The following SLC2A4RG variants were observed in gnomAD, a reference collection of about 807,000 sequenced individuals.
SLC2A4RG encodes GLUT4 enhancer factor.
SLC2A4RG carries 23 observed loss-of-function variants against 35.5 expected under a neutral mutation model. The ratio of observed to expected loss-of-function variants is 0.65; its 90% CI spans 0.47 to 0.92. The LOEUF is 0.92. SLC2A4RG is among the 40% of genes least tolerant of loss of function. The pLI is 0.00. For missense variants in SLC2A4RG, 539 were observed against 525.0 expected (o/e 1.03, Z -0.26); for synonymous variants, 306 against 243.7 (o/e 1.26, Z -2.38).
In SLC2A4RG at chr20:63,742,223, C is replaced by T; in HGVS notation, c.673C>T (p.His225Tyr). Residue 225 changes from histidine to tyrosine, a missense_variant, in exon 5 of 8, where the codon CAC (histidine) becomes TAC (tyrosine). Physicochemically the swap from His to Tyr is moderately conservative, Grantham distance 83. Transcript: ENST00000266077. ...GATGCAGAGACACATCCGCCTGGTG[C>T]ACCTGGGGTGCGGCGGGGCCTGGGG... is the stretch of plus-strand genomic sequence containing the variant. The part of the protein sequence containing the change: ...SAMQRHIRLV[H>Y]LGRQAEPEQS... The T allele has an allele frequency of 6.3e-7, 1 of 1,595,704 alleles. No homozygotes were observed. Among genetic ancestry groups the T allele is most frequent in the Non-Finnish European group, 8.5e-7 (1 of 1,171,600 alleles).
rs181885589 is a variant in SLC2A4RG, at chr20:63,741,484, G to C, written c.391+5G>C. The C allele has an allele frequency of 7.4e-6, 12 of 1,611,704 alleles. No homozygotes were observed. The Admixed American group carries it at 1.5e-4, about 20-fold the overall frequency. ...CGGTTGCAGCCTTCAGCCCAGGTAA[G>C]ACTCAGATGTCTGCATTTAGGGGTG... On this transcript the variant is annotated splice_donor_5th_base_variant and intron_variant, in intron 3 of 7. Transcript: ENST00000266077.
At chr20:63,741,284 C>A (rs1287915152) in intron 2 of SLC2A4RG, 86 bp from the exon 3 acceptor site, 3 of 1,215,984 alleles carry the variant, frequency 2.5e-6, no homozygotes, top group South Asian at 1.2e-5. Flanking sequence ...GGTGTGCACG[C>A]GTGCCCAGGC....
At position 63,740,001 on chromosome 20, in the gene SLC2A4RG, C is replaced by A. The variant is rs1186604835; in HGVS notation, c.89C>A (p.Pro30Gln). 15 of 981,118 alleles carry A rather than the reference C, an allele frequency of 1.5e-5. No homozygotes were observed. The African/African-American group carries it at 1.9e-4, about 13-fold the overall frequency. The allele number at this position is 981,118 out of a possible 1,614,324, so 60.8% of individuals were successfully genotyped here. Reference protein sequence around the residue: ...APWLRAEGPGPRAAPVTVPTP... With the variant: ...APWLRAEGPGQRAAPVTVPTP... The stretch of plus-strand genomic sequence containing the variant: ...TGGCTGCGCGCGGAGGGTCCGGGGC[C>A]GCGCGCCGCGCCCGTGACGGTGCCC... Residue 30 changes from proline (P) to glutamine (Q), a missense_variant, in exon 1 of 8, where the codon CCG (proline) becomes CAG (glutamine). By Grantham distance (76) the Pro-to-Gln change is moderately conservative (BLOSUM62 -1). Coordinates refer to ENST00000266077, the MANE Select transcript of SLC2A4RG (RefSeq NM_020062.4).
At chr20:63,741,808 A>G (rs2092043005) in intron 3 of SLC2A4RG, 61 bp from the exon 4 acceptor site, 4 of 1,487,598 alleles carry the variant, frequency 2.7e-6, no homozygotes, top group Non-Finnish European at 3.6e-6. Context: ...GGGGCAGCTC[A>G]GGATTAGGGA....
At position 63,742,124 on chromosome 20, in the gene SLC2A4RG, C is replaced by T. The variant is rs2092045604; in HGVS notation, c.580-6C>T. 3 of 1,603,600 alleles carry T rather than the reference C, an allele frequency of 1.9e-6. No homozygotes were observed. Among genetic ancestry groups the T allele is most frequent in the Non-Finnish European group, 2.6e-6 (3 of 1,175,686 alleles). On this transcript the variant is annotated splice_polypyrimidine_tract_variant and splice_region_variant and intron_variant, in intron 4 of 7. Coordinates refer to ENST00000266077, the MANE Select transcript of SLC2A4RG (RefSeq NM_020062.4). Reference sequence around the variant, plus strand: ...CTGAGCCTGACCCTGGCCCCTGTTGCTGCAGAGCCCGGCCCAGGTCATGTT... The same window carrying T: ...CTGAGCCTGACCCTGGCCCCTGTTGTTGCAGAGCCCGGCCCAGGTCATGTT...
intron 1 of SLC2A4RG, 110 bp from the exon 2 acceptor site, chr20:63,740,267 G>A (rs1340149596): frequency 1.3e-6 from 1 of 760,722 alleles, no homozygotes; most frequent in Non-Finnish European, 1.7e-6. Context: ...CGTCCACACC[G>A]GCCGCAGCCG....
At position 63,739,876 on chromosome 20, in the gene SLC2A4RG, C is replaced by T; in HGVS notation, c.-37C>T. 1 of 978,308 alleles carries T rather than the reference C, an allele frequency of 1.0e-6. No individual in the cohort carries two copies. Among genetic ancestry groups the T allele is most frequent in the Non-Finnish European group, 1.2e-6 (1 of 827,586 alleles). 60.6% of individuals were successfully genotyped at this position (978,308 alleles called of 1,614,324 possible). A position where few individuals can be genotyped will look rare whatever the true frequency, so the allele number is the denominator to read the frequency against. On this transcript the variant is annotated 5_prime_UTR_variant, in exon 1 of 8. Coordinates refer to ENST00000266077, the MANE Select transcript of SLC2A4RG (RefSeq NM_020062.4). ...CCGGGGCCGCGTCCTGAGAGTCAGC[C>T]CTCGCCGCTGCAGCCTCGGCGCCCG...
In SLC2A4RG at chr20:63,740,914, G is replaced by A. The variant is rs1002692479; in HGVS notation, c.281+383G>A. Among the ~76,000 whole-genome samples the A allele has an allele frequency of 8.5e-5, 13 of 152,262 alleles. No individual in the cohort carries two copies. The East Asian group carries it at 9.7e-4, about 11-fold the overall frequency. On this transcript the variant is annotated intron_variant, in intron 2 of 7. Transcript: ENST00000266077. The stretch of plus-strand genomic sequence containing the variant: ...GCAGGGGCGGGCCCTGGCCTGGCTC[G>A]CTGGGGCCTGGGGAGCTGCCCGTGC...
chr20:63,741,720 G>T (rs561114806), intron 3 of SLC2A4RG, 149 bp from the exon 4 acceptor site: 1 of 1,382,758 alleles, frequency 7.2e-7, no homozygotes, highest in Non-Finnish European at 9.5e-7. Flanking sequence ...TTCCTGTGCC[G>T]GGGGGGTTTC....
chr20:63,743,019 C>T lies in SLC2A4RG; in HGVS notation c.*29C>T, dbSNP rs1568814650. On this transcript the variant is annotated 3_prime_UTR_variant, in exon 8 of 8. Transcript: ENST00000266077. ...CGGCTCGTTCAAGAACATAAGCTAC[C>T]ACCTTCTCCCTCCCCACCCCCTCCA... The T allele has an allele frequency of 1.3e-6, 2 of 1,553,086 alleles. No individual in the cohort carries two copies. The highest frequency in any genetic ancestry group is 1.2e-5 in the South Asian group (1 of 85,856).
chr20:63,741,479 G>C lies in SLC2A4RG; in HGVS notation c.391G>C (p.Glu131Gln). The C allele has an allele frequency of 6.2e-7, 1 of 1,612,580 alleles. No individual in the cohort carries two copies. The highest frequency in any genetic ancestry group is 1.7e-4 in the Middle Eastern group (1 of 6,048). Residue 131 changes from glutamate (E) to glutamine (Q), a missense_variant and splice_region_variant, in exon 3 of 8, where the codon GAG becomes CAG. Transcript: ENST00000266077. ...GGCCCCGGTTGCAGCCTTCAGCCCA[G>C]GTAAGACTCAGATGTCTGCATTTAG... Reference protein sequence around the residue: ...LGAPVAAFSPEPGLEPWKEAL... With the variant: ...LGAPVAAFSPQPGLEPWKEAL...
chr20:63,741,143 G>C (rs2092039472), intron 2 of SLC2A4RG: 2 of 566,696 alleles, frequency 3.5e-6, no homozygotes, highest in Admixed American at 3.1e-5. Context: ...CCAAGCCCGC[G>C]ATGTGGAGAA....
chr20:63,739,798 G>A lies in SLC2A4RG; in HGVS notation c.-115G>A. The A allele has an allele frequency of 2.1e-6, 2 of 965,914 alleles. No individual in the cohort carries two copies. Among genetic ancestry groups the A allele is most frequent in the Non-Finnish European group, 2.4e-6 (2 of 816,600 alleles). The allele number at this position is 965,914 out of a possible 1,614,324, so 59.8% of individuals were successfully genotyped here. On this transcript the variant is annotated 5_prime_UTR_variant, in exon 1 of 8. Transcript: ENST00000266077. ...GGCAGCCTCCGGGCGGCGCGGCGCG[G>A]GCGGCGGCCGGATCCAGGGCGGGGG...
rs200245028 is a variant in SLC2A4RG, at chr20:63,742,483, G to A, written c.828G>A (p.Leu276=). 6 of 1,581,782 alleles carry A rather than the reference G, an allele frequency of 3.8e-6. No individual in the cohort carries two copies. In the African/African-American group the frequency reaches 6.7e-5, roughly 18 times the overall value. ...CCATGCCGCCTGCCTTCCCCCGCCT[G>A]GAGCTGCCAGAGCTGCTGGAGCCCC... ...TASMPPAFPR[L]ELPELLEPPA... is the part of the protein sequence containing the mutation. Residue 276 remains leucine (L), a synonymous_variant, in exon 6 of 8, where the codon CTG becomes CTA. Coordinates refer to ENST00000266077, the MANE Select transcript of SLC2A4RG (RefSeq NM_020062.4).
At position 63,741,879 on chromosome 20, in the gene SLC2A4RG, G is replaced by A; in HGVS notation, c.402G>A (p.Leu134=). 1.9e-6 allele frequency: 3 copies of A among 1,599,864 alleles called. No individual in the cohort carries two copies. Among genetic ancestry groups the A allele is most frequent in the African/African-American group, 1.3e-5 (1 of 74,564 alleles). Residue 134 remains leucine (L), a synonymous_variant, in exon 4 of 8, where the codon CTG becomes CTA. Transcript: ENST00000266077. ...CCCGTGTCCCCACAGAGCCTGGCCT[G>A]GAGCCCTGGAAGGAGGCCCTGGTGC... ...PVAAFSPEPG[L]EPWKEALVRP...
chr20:63,741,542 C>T (rs1241100151), intron 3 of SLC2A4RG, 63 bp downstream of exon 3: 20 of 1,449,520 alleles, frequency 1.4e-5, no homozygotes, highest in Admixed American at 3.9e-5. Flanking sequence ...CCTACAGCCA[C>T]CCAGCCTCTG....
At chr20:63,741,291 A>C in intron 2 of SLC2A4RG, 79 bp from the exon 3 acceptor site, 1 of 1,310,960 alleles carries the variant, frequency 7.6e-7, no homozygotes. Context: ...ACGCGTGCCC[A>C]GGCCTGCACG....
chr20:63,741,718 C>A (rs2092042404), intron 3 of SLC2A4RG, 151 bp from the exon 4 acceptor site: 3 of 1,406,906 alleles, frequency 2.1e-6, no homozygotes, highest in Admixed American at 5.7e-5. Flanking sequence ...CTTTCCTGTG[C>A]CGGGGGGGTT....
intron 2 of SLC2A4RG, 87 bp from the exon 3 acceptor site, chr20:63,741,283 G>A (rs1345802385): frequency 1.7e-6 from 2 of 1,197,048 alleles, no homozygotes; most frequent in Non-Finnish European, 2.4e-6. Context: ...TGGTGTGCAC[G>A]CGTGCCCAGG....
Sources: gnomAD v4.1 joint callset for allele counts (sites outside exome capture counted in the v4.1 genomes callset) on GRCh38, gnomAD v4.1.1 for gene constraint, MANE v1.5 for transcripts, NCBI Gene and HGNC (gene_info 2026-07-23, HGNC 2026-07-21) for gene names.